TLL2: variants seen among roughly 807,000 people sequenced by gnomAD.
TLL2 encodes the protein tolloid like 2.
TLL2 carries 106 observed loss-of-function variants against 123.0 expected under a neutral mutation model. The observed-to-expected ratio is 0.86, with a 90% CI of 0.74 to 1.01. The LOEUF is 1.01. Ranked by LOEUF, TLL2 falls within the 50% of genes least tolerant of loss-of-function variation. TLL2 has a pLI of 0.00. For missense variants in TLL2, 1,332 were observed against 1,336.7 expected, an observed-to-expected ratio of 1.00 and a Z score of 0.06; for synonymous variants, 494 against 516.8, an observed-to-expected ratio of 0.96 and a Z score of 0.60.
At position 96,508,337 on chromosome 10, in the gene TLL2, G is replaced by A. The variant is rs141034337; in HGVS notation, c.175+5174C>T. ...AACAGCTGCCCCAGAGAGGGCTCTTGGTGAGCCCCAAAATGAAACCTGATT... is the reference window on the plus strand; with the variant it reads ...AACAGCTGCCCCAGAGAGGGCTCTTAGTGAGCCCCAAAATGAAACCTGATT... On this transcript the variant is annotated intron_variant, in intron 1 of 20. Coordinates refer to ENST00000357947, the MANE Select transcript of TLL2 (RefSeq NM_012465.4). Among the ~76,000 whole-genome samples, 684 of 152,268 alleles carry A rather than the reference G, an allele frequency of 4.5e-3. 5 individuals carry two copies. Among genetic ancestry groups the A allele is most frequent in the Non-Finnish European group, 5.1e-3 (346 of 68,016 alleles).
At chr10:96,381,413 C>T (rs1846186740) in intron 16 of TLL2, among the ~76,000 whole-genome samples, 1 of 152,220 alleles carries the variant, frequency 6.6e-6, no homozygotes. Flanking sequence ...CTTGGCTTCC[C>T]AGCATGGGTC....
intron 2 of TLL2, among the ~76,000 whole-genome samples, chr10:96,468,125 T>C (rs912347361): frequency 7.2e-5 from 11 of 152,172 alleles, no homozygotes; most frequent in Non-Finnish European, 1.3e-4. Context: ...TTCTCCCTCA[T>C]TCATTCATTC....
intron 7 of TLL2, among the ~76,000 whole-genome samples, chr10:96,416,562 C>T (rs12762576): frequency 0.052 from 7,868 of 152,298 alleles, 215 homozygotes; most frequent in Middle Eastern, 0.085. Context: ...TCTGGGAATC[C>T]TCCTCCTTCC....
Position 96,468,635 on chromosome 10 carries a change from C to T in TLL2, c.286+11714G>A, listed in dbSNP as rs1019080886. 5.9e-5 allele frequency among the ~76,000 whole-genome samples: 9 copies of T among 152,114 alleles called. No individual in the cohort carries two copies. The East Asian group carries it at 1.7e-3, about 29-fold the overall frequency. On this transcript the variant is annotated intron_variant, in intron 2 of 20. Transcript: ENST00000357947. ...GTCAGGTACTAAACTCTTGTTTGTC[C>T]CAATTTCTTAAGCTCATCTCCCAAT...
chr10:96,474,800 G>A (rs761881288), intron 2 of TLL2, among the ~76,000 whole-genome samples: 4 of 152,138 alleles, frequency 2.6e-5, no homozygotes, highest in Non-Finnish European at 5.9e-5. Context: ...AAGTCTGAAG[G>A]CCAGGTGTTG....
Position 96,420,220 on chromosome 10 carries a change from G to T in TLL2, c.923+736C>A, listed in dbSNP as rs942006. On this transcript the variant is annotated intron_variant, in intron 7 of 20. Transcript: ENST00000357947. ...TTCTCTGTGACTCCTTTAACTCAACGCTAGAAAGAACTACAAAACTGGGAC... is the reference window on the plus strand; with the variant it reads ...TTCTCTGTGACTCCTTTAACTCAACTCTAGAAAGAACTACAAAACTGGGAC... Among the ~76,000 whole-genome samples, 66 of 152,186 alleles carry T rather than the reference G, an allele frequency of 4.3e-4. No individual in the cohort carries two copies. In the Middle Eastern group the frequency reaches 0.01, roughly 24 times the overall value.
chr10:96,487,816 T>C (rs1316574906), intron 1 of TLL2, among the ~76,000 whole-genome samples: 1 of 152,140 alleles, frequency 6.6e-6, no homozygotes, highest in African/African-American at 2.4e-5. Flanking sequence ...CCTAAGCTCT[T>C]AGCATCTACT....
At chr10:96,504,107 CT>C (rs1847558125) in intron 1 of TLL2, among the ~76,000 whole-genome samples, 1 of 152,226 alleles carries the variant, frequency 6.6e-6, no homozygotes, top group Non-Finnish European at 1.5e-5. Flanking sequence ...CCTGCGAGTG[CT>C]CCCATCAACT....
At chr10:96,494,727 G>C (rs1462631353) in intron 1 of TLL2, among the ~76,000 whole-genome samples, 2 of 152,248 alleles carry the variant, frequency 1.3e-5, no homozygotes, top group Non-Finnish European at 2.9e-5. Flanking sequence ...ACTGGAAGCT[G>C]TGTGCTTCCC....
At chr10:96,432,588 G>A (rs1055687382) in intron 4 of TLL2, among the ~76,000 whole-genome samples, 6 of 152,194 alleles carry the variant, frequency 3.9e-5, no homozygotes, top group African/African-American at 1.4e-4. Context: ...GCATCGGGGA[G>A]CAAGGTAACC....
At chr10:96,414,275 C>T (rs1846533700) in intron 7 of TLL2, among the ~76,000 whole-genome samples, 1 of 152,104 alleles carries the variant, frequency 6.6e-6, no homozygotes, top group Non-Finnish European at 1.5e-5. Flanking sequence ...TTTTCCTTCC[C>T]TTCTTAACCA....
intron 1 of TLL2, among the ~76,000 whole-genome samples, chr10:96,502,975 T>C (rs1259442339): frequency 6.6e-6 from 1 of 152,150 alleles, no homozygotes; most frequent in Non-Finnish European, 1.5e-5. Flanking sequence ...TGATCACAGA[T>C]AGGTCTGTAA....
intron 16 of TLL2, 88 bp from the exon 17 acceptor site, chr10:96,379,180 T>C: frequency 1.3e-6 from 2 of 1,518,002 alleles, no homozygotes; most frequent in Non-Finnish European, 1.8e-6. Flanking sequence ...AGTGGCCTCC[T>C]CTGGGAAGCC....
intron 2 of TLL2, among the ~76,000 whole-genome samples, chr10:96,462,985 TG>T (rs1412917123): frequency 6.6e-6 from 1 of 152,240 alleles, no homozygotes; most frequent in Admixed American, 6.5e-5. Flanking sequence ...GCTGGGAACA[TG>T]CAAATTGGGA....
chr10:96,397,859 T>G (rs1031326262), intron 10 of TLL2, among the ~76,000 whole-genome samples: 3 of 152,092 alleles, frequency 2.0e-5, no homozygotes, highest in African/African-American at 7.2e-5. Context: ...GTTCCTAGGA[T>G]GGAGGAGTGA....
chr10:96,484,482 G>A (rs755063616), intron 1 of TLL2, among the ~76,000 whole-genome samples: 1 of 151,744 alleles, frequency 6.6e-6, no homozygotes, highest in Admixed American at 6.6e-5. Flanking sequence ...TGGCAACCTC[G>A]CACATATTAC....
intron 10 of TLL2, among the ~76,000 whole-genome samples, chr10:96,402,113 T>C (rs1169722075): frequency 2.0e-5 from 3 of 152,216 alleles, no homozygotes; most frequent in South Asian, 2.1e-4. Context: ...TGATCCGATG[T>C]TCTCACGAAA....
At chr10:96,419,405 C>CTGCCTCCGCA (rs1846597798) in intron 7 of TLL2, among the ~76,000 whole-genome samples, 1 of 152,194 alleles carries the variant, frequency 6.6e-6, no homozygotes, top group Non-Finnish European at 1.5e-5. Context: ...TAATTACTGT[C>CTGCCTCCGCA]TGCCTCCCTC....
At chr10:96,415,719 C>CTCTCTCTG (rs1846549484) in intron 7 of TLL2, among the ~76,000 whole-genome samples, 2 of 90,972 alleles carry the variant, frequency 2.2e-5, no homozygotes, top group African/African-American at 9.5e-5. Context: ...TGTGCATGCT[C>CTCTCTCTG]TCTCTCTCTG....
Sources: gnomAD v4.1 joint callset for allele counts (sites outside exome capture counted in the v4.1 genomes callset) on GRCh38, gnomAD v4.1.1 for gene constraint, MANE v1.5 for transcripts, NCBI Gene and HGNC (gene_info 2026-07-23, HGNC 2026-07-21) for gene names.